Variants in UVRAG observed in about 807,000 individuals in gnomAD.
UVRAG encodes the protein UV radiation resistance-associated gene protein.
UVRAG carries 19 observed loss-of-function variants against 78.0 expected under a neutral mutation model. That is an observed-to-expected ratio of 0.24 (90% CI 0.17 to 0.36). The LOEUF (loss-of-function observed/expected upper bound fraction) is 0.36. Among genes scored for constraint, UVRAG ranks in the 10% least tolerant of loss-of-function variants. The probability of loss-of-function intolerance (pLI) is 1.00; values close to 1 mark genes in which losing one functional copy is unlikely to be tolerated. For missense variants in UVRAG, 740 were observed against 853.8 expected (o/e 0.87, Z 1.66); for synonymous variants, 323 against 324.6 (o/e 1.00, Z 0.05).
At chr11:76,129,893 C>T (rs1339194165) in intron 14 of UVRAG, among the ~76,000 whole-genome samples, 1 of 151,720 alleles carries the variant, frequency 6.6e-6, no homozygotes, top group Admixed American at 6.6e-5. Context: ...TCTCTCTGCA[C>T]CTCTGACACA....
At chr11:75,930,894 T>C (rs1426677844) in intron 6 of UVRAG, 1 of 152,184 alleles carries the variant, frequency 6.6e-6, no homozygotes, top group Admixed American at 6.5e-5. Flanking sequence ...CGATCTCTGG[T>C]ATAAAGCAAA....
chr11:75,855,117 G>C (rs1391745357), intron 2 of UVRAG, among the ~76,000 whole-genome samples: 3 of 152,192 alleles, frequency 2.0e-5, no homozygotes, highest in Non-Finnish European at 4.4e-5. Flanking sequence ...TGAAGATCAT[G>C]TTAAAAAACT....
chr11:75,932,828 A>G (rs868271715), intron 6 of UVRAG, among the ~76,000 whole-genome samples: 12 of 152,228 alleles, frequency 7.9e-5, no homozygotes, highest in African/African-American at 2.9e-4. Context: ...TGAAAACTAC[A>G]AGACATTAAT....
intron 8 of UVRAG, among the ~76,000 whole-genome samples, chr11:75,990,798 C>CCTT: frequency 6.6e-6 from 1 of 152,282 alleles, no homozygotes; most frequent in South Asian, 2.1e-4. Flanking sequence ...TAGTCTATCT[C>CCTT]CTTCTCTAGA....
intron 3 of UVRAG, among the ~76,000 whole-genome samples, chr11:75,873,393 G>A (rs1946694451): frequency 6.6e-6 from 1 of 151,578 alleles, no homozygotes; most frequent in Non-Finnish European, 1.5e-5. Context: ...CCAGGTTACT[G>A]TATTATCTAC....
chr11:75,845,795 C>T (rs561573908), intron 1 of UVRAG, among the ~76,000 whole-genome samples: 1 of 152,136 alleles, frequency 6.6e-6, no homozygotes, highest in East Asian at 1.9e-4. Flanking sequence ...GTACCCCAAA[C>T]CCTGAGACAT....
At chr11:75,865,062 C>T (rs1367180269) in intron 3 of UVRAG, among the ~76,000 whole-genome samples, 3 of 151,842 alleles carry the variant, frequency 2.0e-5, no homozygotes, top group African/African-American at 4.8e-5. Context: ...CTGAGGCGGG[C>T]GGATCATCTG....
intron 6 of UVRAG, among the ~76,000 whole-genome samples, chr11:75,931,581 CG>C (rs1306776895): frequency 6.6e-6 from 1 of 152,178 alleles, no homozygotes; most frequent in Non-Finnish European, 1.5e-5. Flanking sequence ...TAAAAGTTCT[CG>C]TTCAACCCTC....
At chr11:75,922,297 A>G (rs1263726419) in intron 6 of UVRAG, among the ~76,000 whole-genome samples, 1 of 152,166 alleles carries the variant, frequency 6.6e-6, no homozygotes, top group East Asian at 1.9e-4. Flanking sequence ...TATAGTTTTT[A>G]CAGTATTTTG....
intron 1 of UVRAG, among the ~76,000 whole-genome samples, chr11:75,832,959 A>G (rs1945692695): frequency 6.6e-6 from 1 of 152,196 alleles, no homozygotes; most frequent in Non-Finnish European, 1.5e-5. Flanking sequence ...GGCTGAAGAC[A>G]TACATTTCTT....
intron 4 of UVRAG, among the ~76,000 whole-genome samples, chr11:75,883,388 G>GAAAAA (rs1310332580): frequency 1.8e-5 from 2 of 108,724 alleles, no homozygotes; most frequent in East Asian, 2.6e-4. Flanking sequence ...AAAAAGAAAA[G>GAAAAA]AAAAAAAAAA....
At chr11:75,843,471 A>G (rs1037365874) in intron 1 of UVRAG, among the ~76,000 whole-genome samples, 1 of 152,300 alleles carries the variant, frequency 6.6e-6, no homozygotes, top group South Asian at 2.1e-4. Context: ...GGATGGGCTG[A>G]TGTTTGTCAT....
intron 8 of UVRAG, among the ~76,000 whole-genome samples, chr11:75,992,718 A>T (rs1453454703): frequency 6.6e-6 from 1 of 152,196 alleles, no homozygotes; most frequent in Non-Finnish European, 1.5e-5. Context: ...TCAATATTCT[A>T]TTCTAAACAT....
chr11:76,040,279 C>G (rs1950620330), intron 12 of UVRAG, among the ~76,000 whole-genome samples: 1 of 151,670 alleles, frequency 6.6e-6, no homozygotes, highest in Non-Finnish European at 1.5e-5. Context: ...CGAGACCATC[C>G]TGGCTAACAC....
At chr11:75,998,017 G>A (rs574827616) in intron 8 of UVRAG, among the ~76,000 whole-genome samples, 2 of 152,248 alleles carry the variant, frequency 1.3e-5, no homozygotes, top group Middle Eastern at 6.8e-3. Context: ...GACTTTTATC[G>A]CCAACCCAGA....
intron 5 of UVRAG, among the ~76,000 whole-genome samples, chr11:75,901,724 T>C (rs1371666358): frequency 6.6e-6 from 1 of 152,232 alleles, no homozygotes; most frequent in East Asian, 1.9e-4. Flanking sequence ...CTTCCTTTAT[T>C]CAAATCTTGT....
chr11:75,966,590 T>C (rs1051516088), intron 7 of UVRAG, among the ~76,000 whole-genome samples: 5 of 152,244 alleles, frequency 3.3e-5, no homozygotes, highest in African/African-American at 4.8e-5. Flanking sequence ...CTGGATCATC[T>C]TGGGGTTGGC....
chr11:76,063,941 C>T (rs1951139277), intron 12 of UVRAG, among the ~76,000 whole-genome samples: 1 of 152,148 alleles, frequency 6.6e-6, no homozygotes, highest in Admixed American at 6.5e-5. Context: ...TAGTTATAAG[C>T]TATTATACTA....
At chr11:76,126,598 C>T (rs945707219) in intron 14 of UVRAG, among the ~76,000 whole-genome samples, 5 of 152,080 alleles carry the variant, frequency 3.3e-5, no homozygotes, top group South Asian at 2.1e-4. Flanking sequence ...TTAATGGCTA[C>T]GTAGTATTTC....
Sources: allele counts gnomAD v4.1 joint callset (sites outside exome capture counted in the v4.1 genomes callset), GRCh38; gene constraint gnomAD v4.1.1; transcripts MANE v1.5; gene names NCBI Gene and HGNC (gene_info 2026-07-23, HGNC 2026-07-21).